ASCC3: variants seen among roughly 807,000 people sequenced by gnomAD.
The protein encoded by ASCC3 is activating signal cointegrator 1 complex subunit 3.
A neutral mutation model predicts 256.3 loss-of-function variants in ASCC3; 158 were observed. The observed-to-expected ratio is 0.62, with a 90% CI of 0.54 to 0.70. ASCC3 has a LOEUF of 0.70. Among genes scored for constraint, ASCC3 ranks in the 30% least tolerant of loss-of-function variants. The pLI, the probability that ASCC3 is intolerant of heterozygous loss-of-function variation, is 0.00. For missense variants in ASCC3, 2,259 were observed against 2,626.0 expected (o/e 0.86, Z 3.05); for synonymous variants, 948 against 883.4 (o/e 1.07, Z -1.30).
chr6:100,708,508 TA>T (rs1400030972), intron 13 of ASCC3, among the ~76,000 whole-genome samples: 5 of 152,096 alleles, frequency 3.3e-5, no homozygotes, highest in Non-Finnish European at 7.4e-5. Context: ...GACATCCCTC[TA>T]AACAACACTT....
In ASCC3 at chr6:100,589,786, C is replaced by G. The variant is rs773779959; in HGVS notation, c.5416-18G>C. ...CGATTATCCTATTTCAAAAGAATAA[C>G]AAATGAAGAGTACGATGAAAGTACA... On this transcript the variant is annotated intron_variant, in intron 35 of 41. Coordinates refer to ENST00000369162, the MANE Select transcript of ASCC3 (RefSeq NM_006828.4). 1.9e-6 allele frequency: 3 copies of G among 1,613,150 alleles called. No homozygotes were observed. Among genetic ancestry groups the G allele is most frequent in the Admixed American group, 1.7e-5 (1 of 59,960 alleles).
In ASCC3 at chr6:100,685,082, C is replaced by T. The variant is rs140105140; in HGVS notation, c.2152-5330G>A. Reference sequence around the variant, plus strand: ...TCGGCCTCCCAAAGTGCTGGGATTACAGGCGTGAGCCACCATGCGCGGCCA... The same window carrying T: ...TCGGCCTCCCAAAGTGCTGGGATTATAGGCGTGAGCCACCATGCGCGGCCA... On this transcript the variant is annotated intron_variant, in intron 13 of 41. Coordinates refer to ENST00000369162, the MANE Select transcript of ASCC3 (RefSeq NM_006828.4). Among the ~76,000 whole-genome samples the T allele has an allele frequency of 5.2e-3, 797 of 152,228 alleles. 8 individuals carry two copies. Among genetic ancestry groups the T allele is most frequent in the African/African-American group, 0.018 (767 of 41,518 alleles).
chr6:100,565,212 C>G (rs989354232), intron 36 of ASCC3, among the ~76,000 whole-genome samples: 2 of 152,038 alleles, frequency 1.3e-5, no homozygotes, highest in African/African-American at 4.8e-5. Context: ...TTTGATTTGC[C>G]TGATTTTTCT....
chr6:100,666,215 G>A (rs1216662133), intron 14 of ASCC3, among the ~76,000 whole-genome samples: 3 of 151,970 alleles, frequency 2.0e-5, no homozygotes, highest in Non-Finnish European at 4.4e-5. Flanking sequence ...TCTGTTAATC[G>A]GACCTCTCAC....
chr6:100,606,870 A>T lies in ASCC3; in HGVS notation c.4924-10T>A. 1 of 1,610,754 alleles carries T rather than the reference A, an allele frequency of 6.2e-7. No individual in the cohort carries two copies. On this transcript the variant is annotated splice_polypyrimidine_tract_variant and intron_variant, in intron 31 of 41. Transcript: ENST00000369162. ...TTGTAGCAATAAGAACCTAAAAAGC[A>T]AAATAAAATATCTTATATCTAAGTA...
chr6:100,629,491 T>C (rs1468542624), intron 26 of ASCC3, among the ~76,000 whole-genome samples: 1 of 152,190 alleles, frequency 6.6e-6, no homozygotes, highest in Non-Finnish European at 1.5e-5. Context: ...GGTGATTTTA[T>C]AAAGTTGAAC....
intron 24 of ASCC3, among the ~76,000 whole-genome samples, chr6:100,641,132 G>T (rs1276561471): frequency 6.6e-6 from 1 of 152,090 alleles, no homozygotes; most frequent in African/African-American, 2.4e-5. Context: ...GCACTTAAAA[G>T]TATCATTGTA....
At chr6:100,877,060 CTG>C (rs1350073286) in intron 1 of ASCC3, among the ~76,000 whole-genome samples, 1 of 152,098 alleles carries the variant, frequency 6.6e-6, no homozygotes, top group Non-Finnish European at 1.5e-5. Flanking sequence ...TAAACCAAAC[CTG>C]TGTTTCTAAA....
intron 4 of ASCC3, among the ~76,000 whole-genome samples, chr6:100,816,957 T>C (rs932721585): frequency 6.6e-6 from 1 of 151,126 alleles, no homozygotes; most frequent in African/African-American, 2.4e-5. Context: ...AAAAGAAATA[T>C]AGGATTGAGC....
At chr6:100,809,376 T>C (rs1770349097) in intron 4 of ASCC3, among the ~76,000 whole-genome samples, 1 of 152,030 alleles carries the variant, frequency 6.6e-6, no homozygotes, top group South Asian at 2.1e-4. Flanking sequence ...TTTTTATTTT[T>C]TCAACTTGTT....
rs556598534 is a variant in ASCC3, at chr6:100,787,338, A to C, written c.1395+11375T>G. Among the ~76,000 whole-genome samples the C allele has an allele frequency of 2.6e-5, 4 of 151,948 alleles. No individual in the cohort carries two copies. The South Asian group carries it at 8.4e-4, about 32-fold the overall frequency. Reference sequence around the variant, plus strand: ...TGAAATACATAGGTATAAATTTAACACAACAGTCGTAAAACATATCCTAAA... The same window carrying C: ...TGAAATACATAGGTATAAATTTAACCCAACAGTCGTAAAACATATCCTAAA... On this transcript the variant is annotated intron_variant, in intron 8 of 41. Transcript: ENST00000369162.
chr6:100,546,370 G>A (rs1206467035), intron 36 of ASCC3, among the ~76,000 whole-genome samples: 1 of 152,138 alleles, frequency 6.6e-6, no homozygotes, highest in East Asian at 1.9e-4. Context: ...TTGACAAGTT[G>A]ATTCTAAAAT....
intron 13 of ASCC3, among the ~76,000 whole-genome samples, chr6:100,709,173 A>C (rs1206581453): frequency 6.6e-6 from 1 of 152,202 alleles, no homozygotes; most frequent in Non-Finnish European, 1.5e-5. Context: ...CATTATGGTC[A>C]TACGGCAAGA....
In ASCC3 at chr6:100,748,886, T is replaced by C. The variant is rs1343120399; in HGVS notation, c.1737+17679A>G. Among the ~76,000 whole-genome samples the C allele has an allele frequency of 2.0e-5, 3 of 151,884 alleles. No homozygotes were observed. The East Asian group carries it at 5.8e-4, about 29-fold the overall frequency. ...CAATGAGTAAGTCTAGAGGAGTGCA[T>C]TGTACACATGCCTATCATCCATCAG... is the stretch of plus-strand genomic sequence containing the variant. On this transcript the variant is annotated intron_variant, in intron 10 of 41. Coordinates refer to ENST00000369162, the MANE Select transcript of ASCC3 (RefSeq NM_006828.4).
chr6:100,868,898 A>AG (rs1245637345), intron 1 of ASCC3, among the ~76,000 whole-genome samples: 4 of 152,212 alleles, frequency 2.6e-5, no homozygotes, highest in Non-Finnish European at 1.5e-5. Flanking sequence ...TGATGACTAA[A>AG]CAATTTCCAG....
intron 4 of ASCC3, among the ~76,000 whole-genome samples, chr6:100,811,409 A>C (rs1342367166): frequency 1.3e-5 from 2 of 152,182 alleles, no homozygotes; most frequent in Non-Finnish European, 2.9e-5. Flanking sequence ...TTCAAGTTCA[A>C]AATATTCTGA....
rs1774972753 is a variant in ASCC3 at position 100,638,828 on chromosome 6, A to G, written c.3902-7T>C. On this transcript the variant is annotated splice_polypyrimidine_tract_variant and splice_region_variant and intron_variant, in intron 24 of 41. Coordinates refer to ENST00000369162, the MANE Select transcript of ASCC3 (RefSeq NM_006828.4). ...GGCTGAAGATCCAGTAATTCTGAAA[A>G]GACCCAACAGGATGGCTATACGACA... The G allele has an allele frequency of 1.2e-6, 2 of 1,612,020 alleles. No homozygotes were observed. The highest frequency in any genetic ancestry group is 1.7e-6 in the Non-Finnish European group (2 of 1,178,070).
intron 30 of ASCC3, among the ~76,000 whole-genome samples, chr6:100,622,732 T>C (rs2114848632): frequency 1.3e-5 from 2 of 151,914 alleles, no homozygotes; most frequent in South Asian, 4.1e-4. Flanking sequence ...ATTTTAGCAG[T>C]GAAAAATCTA....
At chr6:100,534,696 C>A (rs1775079436) in intron 37 of ASCC3, among the ~76,000 whole-genome samples, 3 of 152,044 alleles carry the variant, frequency 2.0e-5, no homozygotes, top group Admixed American at 2.0e-4. Context: ...TTGAAAGGAA[C>A]CATGACAAAA....
Sources: gnomAD v4.1 joint callset for allele counts (sites outside exome capture counted in the v4.1 genomes callset) on GRCh38, gnomAD v4.1.1 for gene constraint, MANE v1.5 for transcripts, NCBI Gene and HGNC (gene_info 2026-07-23, HGNC 2026-07-21) for gene names.